SDK1: variants seen among roughly 807,000 people sequenced by gnomAD.
SDK1 encodes sidekick cell adhesion molecule 1, also known as protein sidekick-1.
Under a neutral mutation model 245.5 loss-of-function variants are expected in SDK1, and 157 were observed. The ratio of observed to expected loss-of-function variants is 0.64; its 90% CI spans 0.56 to 0.73. The LOEUF is 0.73. SDK1 is among the 30% of genes least tolerant of loss of function. The pLI, the probability that SDK1 is intolerant of heterozygous loss-of-function variation, is 0.00. For missense variants in SDK1, 3,583 were observed against 3,002.3 expected (o/e 1.19, Z -4.52); for synonymous variants, 1,647 against 1,278.5 (o/e 1.29, Z -6.15).
rs146014663 is a variant in SDK1 at position 4,201,657 on chromosome 7, G to A, written c.5099-4222G>A. Among the ~76,000 whole-genome samples, 167 of 152,244 alleles carry A rather than the reference G, an allele frequency of 1.1e-3. No homozygotes were observed. The Middle Eastern group carries it at 0.017, about 16-fold the overall frequency. On this transcript the variant is annotated intron_variant, in intron 35 of 44. Transcript: ENST00000404826. ...GCCTGGCATGGCACAGGGAGGCTCCGGTGACAGGAGGCGCCTGGCGTGGCA... is the reference window on the plus strand; with the variant it reads ...GCCTGGCATGGCACAGGGAGGCTCCAGTGACAGGAGGCGCCTGGCGTGGCA...
intron 1 of SDK1, among the ~76,000 whole-genome samples, chr7:3,455,199 AT>A (rs1167529324): frequency 6.6e-6 from 1 of 151,344 alleles, no homozygotes; most frequent in Non-Finnish European, 1.5e-5. Context: ...TCTTTGCTGG[AT>A]ATGTGGGTTG....
chr7:4,081,254 T>C (rs1301922608), intron 22 of SDK1, among the ~76,000 whole-genome samples: 2 of 152,144 alleles, frequency 1.3e-5, no homozygotes, highest in Non-Finnish European at 2.9e-5. Flanking sequence ...CTTTGGCCCA[T>C]GTTCCGTTGC....
At chr7:3,502,663 A>T (rs10282346) in intron 1 of SDK1, among the ~76,000 whole-genome samples, 31,370 of 152,192 alleles carry the variant, frequency 0.21, 3,530 homozygotes, top group South Asian at 0.36. Context: ...ATACACTTAT[A>T]TTTTTTAATT....
chr7:4,202,505 C>G (rs1332808812), intron 35 of SDK1, among the ~76,000 whole-genome samples: 1 of 152,190 alleles, frequency 6.6e-6, no homozygotes, highest in Non-Finnish European at 1.5e-5. Flanking sequence ...GTTGTTTGGT[C>G]ACGTGGGGCC....
At chr7:3,664,704 C>T (rs575351130) in intron 4 of SDK1, among the ~76,000 whole-genome samples, 2 of 149,702 alleles carry the variant, frequency 1.3e-5, no homozygotes, top group South Asian at 2.1e-4. Flanking sequence ...TGTGCCACTG[C>T]ACTCCAGCCT....
intron 1 of SDK1, among the ~76,000 whole-genome samples, chr7:3,548,589 C>G (rs531499976): frequency 2.0e-5 from 3 of 152,206 alleles, no homozygotes; most frequent in South Asian, 4.1e-4. Context: ...CTTTTTAACA[C>G]ATTCCTGGAA....
chr7:3,894,054 C>G (rs928501734), intron 5 of SDK1, among the ~76,000 whole-genome samples: 16 of 152,114 alleles, frequency 1.1e-4, no homozygotes, highest in African/African-American at 3.4e-4. Context: ...AGCAATGTCT[C>G]CCGAGATTCC....
intron 22 of SDK1, among the ~76,000 whole-genome samples, chr7:4,080,063 G>C (rs755960941): frequency 1.3e-5 from 2 of 152,158 alleles, no homozygotes; most frequent in Non-Finnish European, 2.9e-5. Context: ...TTCTGCTGTC[G>C]AGGAGAAAAG....
chr7:3,483,237 T>C (rs1054603998), intron 1 of SDK1, among the ~76,000 whole-genome samples: 1 of 152,168 alleles, frequency 6.6e-6, no homozygotes, highest in Non-Finnish European at 1.5e-5. Context: ...CTGAATAGAG[T>C]ATATCTTTTA....
chr7:4,220,321 G>C (rs13224192), intron 39 of SDK1, 51 bp downstream of exon 39: 1 of 1,569,728 alleles, frequency 6.4e-7, no homozygotes, highest in South Asian at 1.1e-5. Context: ...TTAGCCTCCC[G>C]CCTCCTGCTT....
Position 3,626,094 on chromosome 7 carries a change from C to G in SDK1, c.458+6855C>G, listed in dbSNP as rs1258526606. ...TAGTAGCTGGGATCACAAATGGGTG[C>G]CACCACAACTAGCTATTTTTTTTTT... On this transcript the variant is annotated intron_variant, in intron 2 of 44. Transcript: ENST00000404826. 3.3e-5 allele frequency among the ~76,000 whole-genome samples: 5 copies of G among 151,776 alleles called. No individual in the cohort carries two copies. The East Asian group carries it at 9.7e-4, about 29-fold the overall frequency.
At chr7:3,996,973 G>A (rs1784733802) in intron 14 of SDK1, among the ~76,000 whole-genome samples, 1 of 152,114 alleles carries the variant, frequency 6.6e-6, no homozygotes, top group Non-Finnish European at 1.5e-5. Context: ...GTAACAAAAT[G>A]CAGGGAGCTT....
Position 4,025,258 on chromosome 7 carries a change from T to G in SDK1, c.2602+7906T>G, listed in dbSNP as rs1219393777. On this transcript the variant is annotated intron_variant, in intron 17 of 44. Transcript: ENST00000404826. ...AACACTGTTTGGTTTGACTGATTCT[T>G]GCCTCCCTTTCGGAAAAAGCTTCCG... 3.9e-5 allele frequency among the ~76,000 whole-genome samples: 6 copies of G among 152,372 alleles called. No individual in the cohort carries two copies. The East Asian group carries it at 1.2e-3, about 29-fold the overall frequency.
intron 25 of SDK1, among the ~76,000 whole-genome samples, chr7:4,117,360 T>TGGGAGGCTGAGGC (rs2128193087): frequency 6.6e-6 from 1 of 152,180 alleles, no homozygotes; most frequent in African/African-American, 2.4e-5. Flanking sequence ...CCCAGCTCCT[T>TGGGAGGCTGAGGC]GGGAGGCTGA....
chr7:3,537,846 T>G (rs576765988), intron 1 of SDK1, among the ~76,000 whole-genome samples: 1 of 152,138 alleles, frequency 6.6e-6, no homozygotes, highest in Non-Finnish European at 1.5e-5. Context: ...GGAAGCAGAG[T>G]TGGGGCCTCC....
At chr7:3,606,746 C>T (rs554501082) in intron 1 of SDK1, among the ~76,000 whole-genome samples, 18 of 152,226 alleles carry the variant, frequency 1.2e-4, no homozygotes, top group African/African-American at 4.3e-4. Flanking sequence ...ACTTCTTCCC[C>T]AGATTTCTTT....
At chr7:4,176,467 CCTTT>C (rs1190164303) in intron 34 of SDK1, among the ~76,000 whole-genome samples, 1 of 152,288 alleles carries the variant, frequency 6.6e-6, no homozygotes, top group African/African-American at 2.4e-5. Flanking sequence ...CTGCACCCAG[CCTTT>C]CTTTTTTTAT....
At chr7:3,978,400 A>G (rs1210835269) in intron 13 of SDK1, among the ~76,000 whole-genome samples, 2 of 152,246 alleles carry the variant, frequency 1.3e-5, no homozygotes, top group South Asian at 4.1e-4. Context: ...TATGTATAAA[A>G]TAATAGGCTT....
rs994418170 is a variant in SDK1, at chr7:4,267,796, C to T, written c.*2412C>T. The T allele has an allele frequency of 6.3e-5, 62 of 985,460 alleles. No homozygotes were observed. Among genetic ancestry groups the T allele is most frequent in the East Asian group, 2.3e-4 (2 of 8,816 alleles). 61.0% of individuals were successfully genotyped at this position (985,460 alleles called of 1,614,324 possible). A position where few individuals can be genotyped will look rare whatever the true frequency, so the allele number is the denominator to read the frequency against. On this transcript the variant is annotated 3_prime_UTR_variant, in exon 45 of 45. Coordinates refer to ENST00000404826, the MANE Select transcript of SDK1 (RefSeq NM_152744.4). Reference sequence around the variant, plus strand: ...CACTCTTAGTAAACCTTGATCTGTACGGAGCGGCCTGTCCGAGGCTACGCC... The same window carrying T: ...CACTCTTAGTAAACCTTGATCTGTATGGAGCGGCCTGTCCGAGGCTACGCC...
Sources: gnomAD v4.1 joint callset for allele counts (sites outside exome capture counted in the v4.1 genomes callset) on GRCh38, gnomAD v4.1.1 for gene constraint, MANE v1.5 for transcripts, NCBI Gene and HGNC (gene_info 2026-07-23, HGNC 2026-07-21) for gene names.